The following KCND2 variants were observed in gnomAD, a reference collection of about 807,000 sequenced individuals.
The protein encoded by KCND2 is potassium voltage-gated channel subfamily D member 2.
A neutral mutation model predicts 54.4 loss-of-function variants in KCND2; 16 were observed. That is an observed-to-expected ratio of 0.29 (90% confidence interval 0.20 to 0.45). KCND2 has a LOEUF of 0.45. Ranked by LOEUF, KCND2 falls within the 20% of genes least tolerant of loss-of-function variation. The probability of loss-of-function intolerance (pLI) is 1.00; values close to 1 mark genes in which losing one functional copy is unlikely to be tolerated. For synonymous variants in KCND2, 317 were observed against 310.7 expected (o/e 1.02, Z -0.21); for missense variants, 486 against 824.2 (o/e 0.59, Z 5.02).
intron 1 of KCND2, among the ~76,000 whole-genome samples, chr7:120,682,094 C>T (rs899291229): frequency 3.3e-5 from 5 of 151,934 alleles, no homozygotes; most frequent in African/African-American, 7.2e-5. Context: ...ACTGAGAGAA[C>T]GTAAGTTATC....
At position 120,273,605 on chromosome 7, in the gene KCND2, GA is replaced by G; in HGVS notation, c.-1027del. The G allele has an allele frequency of 6.5e-6, 1 of 152,936 alleles. No individual in the cohort carries two copies. Among genetic ancestry groups the G allele is most frequent in the East Asian group, 1.9e-4 (1 of 5,210 alleles). The allele number at this position is 152,936 out of a possible 1,614,324, so 9.5% of individuals were successfully genotyped here. ...GAAAAGGAGGAGGGAGGCACGGAGG[GA>G]TGGGGGAAGGGAAAGAAGAGCTCGC... On this transcript the variant is annotated 5_prime_UTR_variant, in exon 1 of 6. It removes an upstream start codon present in the reference 5' UTR. Coordinates refer to ENST00000331113, the MANE Select transcript of KCND2 (RefSeq NM_012281.3).
At chr7:120,642,395 C>T (rs1437396536) in intron 1 of KCND2, among the ~76,000 whole-genome samples, 2 of 125,694 alleles carry the variant, frequency 1.6e-5, no homozygotes, top group African/African-American at 2.8e-5. Flanking sequence ...TCCTTCTCTA[C>T]TAAAAAAAAA....
chr7:120,571,214 G>A (rs1792361718), intron 1 of KCND2, among the ~76,000 whole-genome samples: 1 of 152,144 alleles, frequency 6.6e-6, no homozygotes, highest in African/African-American at 2.4e-5. Context: ...ACTATATTTA[G>A]CCTTTATTTG....
chr7:120,608,067 G>A (rs1373162892), intron 1 of KCND2, among the ~76,000 whole-genome samples: 1 of 151,320 alleles, frequency 6.6e-6, no homozygotes, highest in Non-Finnish European at 1.5e-5. Flanking sequence ...TACAAAATTA[G>A]ACCTATGTGC....
chr7:120,503,044 C>T (rs1006920002), intron 1 of KCND2, among the ~76,000 whole-genome samples: 1 of 152,078 alleles, frequency 6.6e-6, no homozygotes, highest in Admixed American at 6.6e-5. Context: ...GGAATGCCCA[C>T]TAATCTGTTA....
chr7:120,696,545 T>C (rs1214216036), intron 1 of KCND2, among the ~76,000 whole-genome samples: 1 of 152,210 alleles, frequency 6.6e-6, no homozygotes, highest in Non-Finnish European at 1.5e-5. Flanking sequence ...CCAAAGTTCA[T>C]ATGCTGGAAA....
chr7:120,333,664 C>T (rs111627473), intron 1 of KCND2, among the ~76,000 whole-genome samples: 9 of 152,124 alleles, frequency 5.9e-5, no homozygotes, highest in African/African-American at 2.2e-4. Flanking sequence ...AAATTTGACA[C>T]TCTAAAATTT....
chr7:120,360,726 G>A (rs1336726648), intron 1 of KCND2, among the ~76,000 whole-genome samples: 13 of 151,802 alleles, frequency 8.6e-5, no homozygotes, highest in Admixed American at 8.6e-4. Flanking sequence ...ATGTGATTTG[G>A]CTCTTCTTAA....
intron 1 of KCND2, among the ~76,000 whole-genome samples, chr7:120,705,021 T>A (rs1453160345): frequency 2.0e-5 from 3 of 152,214 alleles, no homozygotes; most frequent in African/African-American, 7.2e-5. Context: ...TAATACTGCC[T>A]ATTAATGTTC....
At chr7:120,284,202 A>G (rs934241610) in intron 1 of KCND2, among the ~76,000 whole-genome samples, 3 of 152,092 alleles carry the variant, frequency 2.0e-5, no homozygotes, top group African/African-American at 7.2e-5. Flanking sequence ...TGCCCTCTAG[A>G]TAACTCTGCA....
chr7:120,430,976 A>G (rs555886699), intron 1 of KCND2, among the ~76,000 whole-genome samples: 1 of 152,356 alleles, frequency 6.6e-6, no homozygotes, highest in South Asian at 2.1e-4. Flanking sequence ...GCAAATATCA[A>G]TAAATATATC....
intron 1 of KCND2, among the ~76,000 whole-genome samples, chr7:120,465,051 A>T (rs1802347876): frequency 6.6e-6 from 1 of 152,218 alleles, no homozygotes; most frequent in Non-Finnish European, 1.5e-5. Flanking sequence ...CCAGCGGCAA[A>T]GGTCATGGAG....
intron 1 of KCND2, among the ~76,000 whole-genome samples, chr7:120,702,990 T>G (rs952817054): frequency 2.0e-5 from 3 of 152,186 alleles, no homozygotes; most frequent in African/African-American, 7.2e-5. Flanking sequence ...TTGTGATTAT[T>G]TATCATCTTT....
At chr7:120,678,209 G>A (rs567580146) in intron 1 of KCND2, among the ~76,000 whole-genome samples, 5 of 151,418 alleles carry the variant, frequency 3.3e-5, no homozygotes, top group Admixed American at 6.6e-5. Flanking sequence ...CAAGAACATC[G>A]CTTACATTTA....
chr7:120,628,339 G>A (rs1793187294), intron 1 of KCND2, among the ~76,000 whole-genome samples: 1 of 152,062 alleles, frequency 6.6e-6, no homozygotes, highest in Non-Finnish European at 1.5e-5. Flanking sequence ...TCACTTTTGG[G>A]GTGAAACCTC....
At chr7:120,429,810 G>C (rs1027057815) in intron 1 of KCND2, among the ~76,000 whole-genome samples, 1 of 152,120 alleles carries the variant, frequency 6.6e-6, no homozygotes, top group Admixed American at 6.6e-5. Context: ...GCCACCATAA[G>C]CTTGACATCT....
At chr7:120,501,182 C>A (rs924398429) in intron 1 of KCND2, among the ~76,000 whole-genome samples, 1 of 152,068 alleles carries the variant, frequency 6.6e-6, no homozygotes, top group African/African-American at 2.4e-5. Flanking sequence ...AACAGACTCA[C>A]GGCACAGTAA....
chr7:120,639,188 G>T (rs1793341843), intron 1 of KCND2, among the ~76,000 whole-genome samples: 1 of 152,016 alleles, frequency 6.6e-6, no homozygotes. Flanking sequence ...CTCCTTTTTG[G>T]CAGTAGAAGA....
intron 1 of KCND2, among the ~76,000 whole-genome samples, chr7:120,422,165 C>G (rs1801635395): frequency 6.6e-6 from 1 of 152,138 alleles, no homozygotes; most frequent in African/African-American, 2.4e-5. Flanking sequence ...AAATCTGTAC[C>G]TGCTTTCTAT....
Sources: allele counts gnomAD v4.1 joint callset (sites outside exome capture counted in the v4.1 genomes callset), GRCh38; gene constraint gnomAD v4.1.1; transcripts MANE v1.5; gene names NCBI Gene and HGNC (gene_info 2026-07-23, HGNC 2026-07-21).